MN1: variants seen among roughly 807,000 people sequenced by gnomAD.
MN1 encodes transcriptional activator MN1.
A neutral mutation model predicts 86.9 loss-of-function variants in MN1; 19 were observed. The observed-to-expected ratio is 0.22, with a 90% confidence interval of 0.15 to 0.32. MN1 has a LOEUF of 0.32. Among genes scored for constraint, MN1 ranks in the 10% least tolerant of loss-of-function variants. The pLI, the probability that MN1 is intolerant of heterozygous loss-of-function variation, is 1.00. For synonymous variants in MN1, 928 were observed against 849.6 expected, an observed-to-expected ratio of 1.09 and a Z score of -1.60; for missense variants, 1,841 against 1,862.0, an observed-to-expected ratio of 0.99 and a Z score of 0.21.
rs755210327 is a variant in MN1 at position 27,798,928 on chromosome 22, T to G, written c.1616A>C (p.Gln539Pro). 9.4e-5 allele frequency: 147 copies of G among 1,556,780 alleles called. No individual in the cohort carries two copies. The highest frequency in any genetic ancestry group is 1.1e-4 in the Non-Finnish European group (130 of 1,147,484). Residue 539 changes from glutamine to proline, a missense_variant, in exon 1 of 2, where the codon CAG becomes CCG. By Grantham distance (76) the Gln-to-Pro change is moderately conservative. Transcript: ENST00000302326. ...CTGCTGCTGTTGCTGTTGCTGTTGCTGCTGCTGCTGCTGCTGTTGCTGCTG... is the reference window on the plus strand; with the variant it reads ...CTGCTGCTGTTGCTGTTGCTGTTGCGGCTGCTGCTGCTGCTGTTGCTGCTG... ...QQQQQQQQQQ[Q>P]QQQQQQQQQQ... is the part of the protein sequence containing the mutation.
At chr22:27,767,228 A>G (rs1895632646) in intron 1 of MN1, among the ~76,000 whole-genome samples, 2 of 152,076 alleles carry the variant, frequency 1.3e-5, no homozygotes, top group Non-Finnish European at 2.9e-5. Context: ...GAGTCCCTAA[A>G]ATGAGAAAGA....
Position 27,796,781 on chromosome 22 carries a change from T to C in MN1, c.3763A>G (p.Asn1255Asp). The change falls in exon 1 of 2, where the codon AAC becomes GAC. Residue 1255 changes from asparagine (N) to aspartate (D), a missense_variant. Transcript: ENST00000302326. ...LAPWEKAKPQNPNSKEAHDLP... is the reference protein window; with the variant it reads ...LAPWEKAKPQDPNSKEAHDLP... ...CATATACCTTCTTTGCTGTTGGGGTTCTGGGGTTTGGCCTTCTCCCAGGGC... is the reference window on the plus strand; with the variant it reads ...CATATACCTTCTTTGCTGTTGGGGTCCTGGGGTTTGGCCTTCTCCCAGGGC... 6.2e-7 allele frequency: 1 copy of C among 1,602,546 alleles called. No individual in the cohort carries two copies. Among genetic ancestry groups the C allele is most frequent in the Non-Finnish European group, 8.5e-7 (1 of 1,177,564 alleles).
At chr22:27,777,150 G>C (rs988014217) in intron 1 of MN1, among the ~76,000 whole-genome samples, 6 of 152,202 alleles carry the variant, frequency 3.9e-5, no homozygotes, top group Non-Finnish European at 8.8e-5. Flanking sequence ...AATCACAAGA[G>C]ATTTCTTCCG....
At position 27,797,182 on chromosome 22, in the gene MN1, C is replaced by A; in HGVS notation, c.3362G>T (p.Gly1121Val). ...AGTGCCCGGATGGCCCGGGCCCCCA[C>A]CGCCGCCGTAGCTGTCAGGGGTCGA... ...STSTPDSYGG[G>V]GGPGHPGTPG... The change falls in exon 1 of 2, where the codon GGT becomes GTT. Residue 1121 changes from glycine (G) to valine (V), a missense_variant. Physicochemically the swap from Gly to Val is moderately radical, Grantham distance 109. Transcript: ENST00000302326. 1 of 1,557,498 alleles carries A rather than the reference C, an allele frequency of 6.4e-7. No individual in the cohort carries two copies. Among genetic ancestry groups the A allele is most frequent in the Non-Finnish European group, 8.7e-7 (1 of 1,155,528 alleles).
chr22:27,786,963 C>G (rs948540922), intron 1 of MN1, among the ~76,000 whole-genome samples: 1 of 152,190 alleles, frequency 6.6e-6, no homozygotes, highest in Non-Finnish European at 1.5e-5. Context: ...GTAAATTAAT[C>G]ATGCCTTTCC....
chr22:27,800,823 T>G lies in MN1; in HGVS notation c.-280A>C. On this transcript the variant is annotated 5_prime_UTR_variant, in exon 1 of 2. Coordinates refer to ENST00000302326, the MANE Select transcript of MN1 (RefSeq NM_002430.3). ...TTGGGGGGCCCATGCCCCGGGCGGT[T>G]GTCACAGCCGCGGGTGGGTCTGCGG... 2 of 459,906 alleles carry G rather than the reference T, an allele frequency of 4.3e-6. No individual in the cohort carries two copies. 28.5% of individuals were successfully genotyped at this position (459,906 alleles called of 1,614,324 possible).
chr22:27,762,795 A>T (rs1034115661), intron 1 of MN1, among the ~76,000 whole-genome samples: 1 of 152,066 alleles, frequency 6.6e-6, no homozygotes, highest in Admixed American at 6.6e-5. Context: ...TCTATAATAA[A>T]AAAAAAAAGT....
At position 27,800,715 on chromosome 22, in the gene MN1, A is replaced by G. The variant is rs1416602446; in HGVS notation, c.-172T>C. On this transcript the variant is annotated 5_prime_UTR_variant, in exon 1 of 2. Transcript: ENST00000302326. Reference sequence around the variant, plus strand: ...TGATGTGAGGGACGGGGGGCGGGGTATTAGCTCCTCTCCTGAAGCTCCGAT... The same window carrying G: ...TGATGTGAGGGACGGGGGGCGGGGTGTTAGCTCCTCTCCTGAAGCTCCGAT... 8.3e-6 allele frequency: 6 copies of G among 726,840 alleles called. No individual in the cohort carries two copies. The highest frequency in any genetic ancestry group is 1.3e-5 in the Non-Finnish European group (6 of 446,482). 45.0% of individuals were successfully genotyped at this position (726,840 alleles called of 1,614,324 possible). A position where few individuals can be genotyped will look rare whatever the true frequency, so the allele number is the denominator to read the frequency against.
At chr22:27,795,877 A>G (rs1933285846) in intron 1 of MN1, among the ~76,000 whole-genome samples, 1 of 152,052 alleles carries the variant, frequency 6.6e-6, no homozygotes. Flanking sequence ...CACCCCTCCC[A>G]CCTTAAAGGC....
intron 1 of MN1, among the ~76,000 whole-genome samples, chr22:27,769,707 C>A (rs965398029): frequency 6.6e-6 from 1 of 151,632 alleles, no homozygotes; most frequent in East Asian, 1.9e-4. Context: ...GCACCCACCA[C>A]GCCCTGTTAA....
rs777666747 is a variant in MN1 at position 27,797,676 on chromosome 22, G to T, written c.2868C>A (p.Gly956=). ...CCGCCGAGTACTTGTCAAAGAAGGT[G>T]CCAGGGCTCACGTGACCACTGTCCC... is the stretch of plus-strand genomic sequence containing the variant. ...RKRDSGHVSP[G]TFFDKYSAAP... The change falls in exon 1 of 2, where the codon GGC becomes GGA. Residue 956 remains glycine, a synonymous_variant. Transcript: ENST00000302326. 4 of 1,606,808 alleles carry T rather than the reference G, an allele frequency of 2.5e-6. No homozygotes were observed. In the South Asian group the frequency reaches 4.4e-5, roughly 18 times the overall value.
intron 1 of MN1, among the ~76,000 whole-genome samples, chr22:27,762,991 T>C (rs770990004): frequency 4.6e-5 from 7 of 152,116 alleles, no homozygotes; most frequent in Non-Finnish European, 1.0e-4. Context: ...GCCTATGGTC[T>C]CAGCTACTTG....
chr22:27,769,392 A>T (rs370015343), intron 1 of MN1, among the ~76,000 whole-genome samples: 3 of 151,940 alleles, frequency 2.0e-5, no homozygotes, highest in African/African-American at 7.3e-5. Context: ...ACAGGATTAA[A>T]ATTCACACCC....
chr22:27,791,327 T>C (rs1040008261), intron 1 of MN1, among the ~76,000 whole-genome samples: 12 of 152,096 alleles, frequency 7.9e-5, no homozygotes, highest in Non-Finnish European at 1.6e-4. Flanking sequence ...CGCACTCATG[T>C]ATACATCAAC....
At chr22:27,775,107 G>A (rs925329529) in intron 1 of MN1, among the ~76,000 whole-genome samples, 3 of 152,232 alleles carry the variant, frequency 2.0e-5, no homozygotes, top group African/African-American at 7.2e-5. Flanking sequence ...TATGTCGGCT[G>A]TGCTCTCAGG....
intron 1 of MN1, among the ~76,000 whole-genome samples, chr22:27,774,273 A>G (rs1041553270): frequency 3.3e-5 from 5 of 152,212 alleles, no homozygotes. Context: ...CCAGCAAGAT[A>G]GATTCTAAGG....
intron 1 of MN1, among the ~76,000 whole-genome samples, chr22:27,773,023 A>G (rs936240970): frequency 1.3e-5 from 2 of 151,784 alleles, no homozygotes; most frequent in Non-Finnish European, 2.9e-5. Context: ...AGGAGGCCCC[A>G]TACACAGAAC....
intron 1 of MN1, among the ~76,000 whole-genome samples, chr22:27,789,590 A>C (rs1933184374): frequency 6.6e-6 from 1 of 152,216 alleles, no homozygotes; most frequent in Non-Finnish European, 1.5e-5. Flanking sequence ...TTCCCTCAAC[A>C]ATGTGAGTTT....
At chr22:27,756,986 C>T (rs1272578864) in intron 1 of MN1, among the ~76,000 whole-genome samples, 1 of 152,148 alleles carries the variant, frequency 6.6e-6, no homozygotes, top group East Asian at 1.9e-4. Flanking sequence ...GTCTTGTATT[C>T]CTGGGTTCAA....
Sources: gnomAD v4.1 joint callset for allele counts (sites outside exome capture counted in the v4.1 genomes callset) on GRCh38, gnomAD v4.1.1 for gene constraint, MANE v1.5 for transcripts, NCBI Gene and HGNC (gene_info 2026-07-23, HGNC 2026-07-21) for gene names.